The following CNOT4 variants were observed in gnomAD, a reference collection of about 807,000 sequenced individuals.
CNOT4 encodes CCR4-NOT transcription complex subunit 4, also known as CCR4-associated factor 4.
In CNOT4, 8 loss-of-function variants were observed where a neutral mutation model predicts 73.8. That is an observed-to-expected ratio of 0.11 (90% confidence interval 0.06 to 0.20). The LOEUF (loss-of-function observed/expected upper bound fraction) is 0.20, where lower values mean the gene tolerates loss of function less well. Among genes scored for constraint, CNOT4 ranks in the 10% least tolerant of loss-of-function variants. CNOT4 has a pLI of 1.00. For missense variants in CNOT4, 564 were observed against 883.4 expected, an observed-to-expected ratio of 0.64 and a Z score of 4.58; for synonymous variants, 293 against 321.1, an observed-to-expected ratio of 0.91 and a Z score of 0.94.
At chr7:135,431,616 G>A (rs1341184262) in intron 2 of CNOT4, among the ~76,000 whole-genome samples, 5 of 151,868 alleles carry the variant, frequency 3.3e-5, no homozygotes, top group Admixed American at 2.0e-4. Flanking sequence ...GGTGGCACAC[G>A]CCTGTAGTCC....
chr7:135,500,435 G>A (rs1803883992), intron 1 of CNOT4, among the ~76,000 whole-genome samples: 1 of 151,970 alleles, frequency 6.6e-6, no homozygotes, highest in East Asian at 1.9e-4. Flanking sequence ...CAGAAAGTTG[G>A]CTTAATGCAG....
intron 7 of CNOT4, among the ~76,000 whole-genome samples, chr7:135,399,018 T>A (rs910051043): frequency 6.6e-6 from 1 of 152,092 alleles, no homozygotes; most frequent in Non-Finnish European, 1.5e-5. Flanking sequence ...TATTTTCACA[T>A]AGAGAAAATG....
At position 135,395,001 on chromosome 7, in the gene CNOT4, A is replaced by C. The variant is rs114128678; in HGVS notation, c.1130-586T>G. Among the ~76,000 whole-genome samples the C allele has an allele frequency of 8.6e-3, 1,311 of 152,312 alleles. 23 individuals carry two copies. Among genetic ancestry groups the C allele is most frequent in the African/African-American group, 0.03 (1,256 of 41,562 alleles). ...AAAAATACCATTTAGTAGTAACATA[A>C]CTGTTACTACTAAATAACTTGCATC... On this transcript the variant is annotated intron_variant, in intron 9 of 11. Coordinates refer to ENST00000541284, the MANE Select transcript of CNOT4 (RefSeq NM_001190850.2).
intron 7 of CNOT4, among the ~76,000 whole-genome samples, chr7:135,403,330 T>C (rs1352326003): frequency 6.6e-6 from 1 of 152,252 alleles, no homozygotes; most frequent in Non-Finnish European, 1.5e-5. Flanking sequence ...AAGGATATAT[T>C]TAAGTTATCA....
rs1449046411 is a variant in CNOT4 at position 135,362,627 on chromosome 7, T to TC, written c.*257dup. ...TTGAGACTGCCCTTTGATTTTTTTT[T>TC]CTCTCCTTAAAAAGGCATTTTTAGA... On this transcript the variant is annotated 3_prime_UTR_variant, in exon 12 of 12. Transcript: ENST00000541284. 133 of 586,628 alleles carry TC rather than the reference T, an allele frequency of 2.3e-4. 1 individual carries two copies. In the East Asian group the frequency reaches 3.7e-3, roughly 16 times the overall value. 36.3% of individuals were successfully genotyped at this position (586,628 alleles called of 1,614,324 possible).
At chr7:135,402,156 C>T (rs1249134513) in intron 7 of CNOT4, among the ~76,000 whole-genome samples, 1 of 146,766 alleles carries the variant, frequency 6.8e-6, no homozygotes, top group Non-Finnish European at 1.5e-5. Flanking sequence ...GTTGCCCAGG[C>T]TGGAGTGCAG....
At chr7:135,479,754 G>A (rs552093583) in intron 1 of CNOT4, among the ~76,000 whole-genome samples, 11 of 151,926 alleles carry the variant, frequency 7.2e-5, no homozygotes, top group East Asian at 5.9e-4. Flanking sequence ...AAAATTAGTC[G>A]GGCGTGGTAC....
intron 1 of CNOT4, among the ~76,000 whole-genome samples, chr7:135,493,915 GC>G (rs1395665658): frequency 2.0e-5 from 3 of 152,098 alleles, no homozygotes; most frequent in African/African-American, 7.2e-5. Flanking sequence ...ATAGTGCTTA[GC>G]ATCTAATAAG....
intron 3 of CNOT4, among the ~76,000 whole-genome samples, chr7:135,420,047 C>CAAACA (rs1554431740): frequency 0.1 from 15,438 of 151,962 alleles, 895 homozygotes; most frequent in Middle Eastern, 0.14. Context: ...CAAACAACAA[C>CAAACA]AAAAACCCTC....
Position 135,495,739 on chromosome 7 carries a change from A to G in CNOT4, c.-93+14150T>C, listed in dbSNP as rs188596750. Among the ~76,000 whole-genome samples the G allele has an allele frequency of 2.0e-4, 25 of 123,206 alleles. No homozygotes were observed. In the East Asian group the frequency reaches 3.4e-3, roughly 17 times the overall value. The allele number at this position is 123,206 out of a possible 152,430, so 80.8% of individuals were successfully genotyped here. A position where few individuals can be genotyped will look rare whatever the true frequency, so the allele number is the denominator to read the frequency against. On this transcript the variant is annotated intron_variant, in intron 1 of 11. Transcript: ENST00000541284. The stretch of plus-strand genomic sequence containing the variant: ...GAAAGAAAGAAAGAAAGAAAGAAAG[A>G]AAGAAAGAAAGAAAGAAAGAAAGAA...
chr7:135,401,219 G>A (rs1796983439), intron 7 of CNOT4, among the ~76,000 whole-genome samples: 1 of 152,216 alleles, frequency 6.6e-6, no homozygotes, highest in Non-Finnish European at 1.5e-5. Context: ...GATAAGCACT[G>A]AGTCTGCTTA....
intron 1 of CNOT4, among the ~76,000 whole-genome samples, chr7:135,482,265 A>G (rs1479410803): frequency 6.6e-6 from 1 of 152,178 alleles, no homozygotes; most frequent in African/African-American, 2.4e-5. Context: ...AGCTCCCAAT[A>G]AAGAAATCCT....
intron 1 of CNOT4, among the ~76,000 whole-genome samples, chr7:135,482,201 TATG>T (rs1266186708): frequency 1.3e-5 from 2 of 152,160 alleles, no homozygotes; most frequent in Non-Finnish European, 2.9e-5. Context: ...TCCATAAATA[TATG>T]ATATTATGCA....
chr7:135,390,635 A>G (rs1796352139), intron 10 of CNOT4, among the ~76,000 whole-genome samples: 1 of 152,168 alleles, frequency 6.6e-6, no homozygotes, highest in Non-Finnish European at 1.5e-5. Context: ...AAAAAAAGGA[A>G]GCTGCATTTC....
chr7:135,460,706 T>C (rs1045487899), intron 1 of CNOT4, among the ~76,000 whole-genome samples: 13 of 152,118 alleles, frequency 8.5e-5, no homozygotes, highest in Admixed American at 5.9e-4. Flanking sequence ...GAAGCAAGTA[T>C]ATGCTGTTGA....
intron 7 of CNOT4, among the ~76,000 whole-genome samples, chr7:135,401,792 T>A (rs572372311): frequency 1.3e-5 from 2 of 152,002 alleles, no homozygotes; most frequent in South Asian, 4.2e-4. Context: ...AGGCTAGGAG[T>A]TGAGAAGACT....
intron 10 of CNOT4, among the ~76,000 whole-genome samples, chr7:135,391,328 A>G (rs1414166637): frequency 6.6e-6 from 1 of 152,034 alleles, no homozygotes; most frequent in Non-Finnish European, 1.5e-5. Flanking sequence ...AAAATTTTTA[A>G]ATTTTGGTAC....
At chr7:135,508,188 T>C (rs1014502498) in intron 1 of CNOT4, among the ~76,000 whole-genome samples, 4 of 152,244 alleles carry the variant, frequency 2.6e-5, no homozygotes, top group Non-Finnish European at 5.9e-5. Context: ...GTAAGTCATG[T>C]TTAAACTTGG....
intron 1 of CNOT4, among the ~76,000 whole-genome samples, chr7:135,462,650 C>A (rs926554382): frequency 1.3e-5 from 2 of 152,170 alleles, no homozygotes; most frequent in Non-Finnish European, 2.9e-5. Flanking sequence ...TAAGCACATT[C>A]TGTATTTCAA....
Sources: gnomAD v4.1 joint callset for allele counts (sites outside exome capture counted in the v4.1 genomes callset) on GRCh38, gnomAD v4.1.1 for gene constraint, MANE v1.5 for transcripts, NCBI Gene and HGNC (gene_info 2026-07-23, HGNC 2026-07-21) for gene names.